DDX10: variants seen among roughly 807,000 people sequenced by gnomAD.
DDX10 encodes the protein DEAD-box helicase 10, also known as probable ATP-dependent RNA helicase DDX10.
DDX10 carries 74 observed loss-of-function variants against 104.3 expected under a neutral mutation model. The observed-to-expected ratio is 0.71, with a 90% CI of 0.59 to 0.86. The LOEUF is 0.86. Among genes scored for constraint, DDX10 ranks in the 40% least tolerant of loss-of-function variants. DDX10 has a pLI of 0.00. For missense variants in DDX10, 952 were observed against 1,040.0 expected, an observed-to-expected ratio of 0.92 and a Z score of 1.16; for synonymous variants, 351 against 353.4, an observed-to-expected ratio of 0.99 and a Z score of 0.08.
chr11:108,679,337 A>G (rs778401619), intron 5 of DDX10, 34 bp from the exon 6 acceptor site: 7 of 1,542,278 alleles, frequency 4.5e-6, no homozygotes, highest in African/African-American at 1.4e-5. Context: ...TATATTTTAC[A>G]TATGATAGTT....
At chr11:108,749,917 A>T (rs2094336365) in intron 13 of DDX10, among the ~76,000 whole-genome samples, 1 of 152,160 alleles carries the variant, frequency 6.6e-6, no homozygotes, top group Non-Finnish European at 1.5e-5. Flanking sequence ...ATGATGAGCA[A>T]TACTATAAGT....
chr11:108,673,611 G>A, intron 2 of DDX10, 84 bp downstream of exon 2: 8 of 1,056,112 alleles, frequency 7.6e-6, no homozygotes, highest in Non-Finnish European at 1.1e-5. Flanking sequence ...GGTTTAGCCT[G>A]AAAAATCTTA....
chr11:108,723,900 C>G (rs757663020), intron 13 of DDX10, among the ~76,000 whole-genome samples: 6 of 152,074 alleles, frequency 3.9e-5, no homozygotes, highest in Non-Finnish European at 5.9e-5. Flanking sequence ...GGGAACCAAG[C>G]CAGTGTCTTA....
intron 13 of DDX10, among the ~76,000 whole-genome samples, chr11:108,784,207 A>C (rs1861754229): frequency 6.6e-6 from 1 of 152,172 alleles, no homozygotes. Flanking sequence ...GTTCTGTTTT[A>C]AGTTCTTTGA....
chr11:108,764,140 T>G (rs1383359895), intron 13 of DDX10, among the ~76,000 whole-genome samples: 1 of 152,222 alleles, frequency 6.6e-6, no homozygotes, highest in Non-Finnish European at 1.5e-5. Flanking sequence ...AAAATGAAGT[T>G]TGCCTCCTTC....
intron 13 of DDX10, among the ~76,000 whole-genome samples, chr11:108,756,223 C>T (rs1216767746): frequency 2.6e-5 from 4 of 151,974 alleles, no homozygotes; most frequent in Admixed American, 6.6e-5. Flanking sequence ...ATTTTTCATA[C>T]GTTGATTTAG....
At chr11:108,803,256 G>GC (rs1158985356) in intron 13 of DDX10, among the ~76,000 whole-genome samples, 1 of 112,288 alleles carries the variant, frequency 8.9e-6, no homozygotes, top group African/African-American at 2.9e-5. Context: ...TTACCTAGTA[G>GC]CAATTTTTTT....
At chr11:108,692,081 A>T in intron 8 of DDX10, 43 bp downstream of exon 8, 18 of 1,535,668 alleles carry the variant, frequency 1.2e-5, no homozygotes, top group Non-Finnish European at 1.5e-5. Flanking sequence ...ATTGTGTGAA[A>T]TGTAATTTGC....
chr11:108,795,349 C>T (rs1189854239), intron 13 of DDX10, among the ~76,000 whole-genome samples: 1 of 149,204 alleles, frequency 6.7e-6, no homozygotes, highest in African/African-American at 2.5e-5. Context: ...GGTACATGTG[C>T]ACAACATGCA....
intron 16 of DDX10, among the ~76,000 whole-genome samples, chr11:108,895,635 T>C (rs1222031157): frequency 6.6e-6 from 1 of 152,020 alleles, no homozygotes; most frequent in Non-Finnish European, 1.5e-5. Flanking sequence ...CTTAATAATA[T>C]TGTTGTAGCA....
chr11:108,747,227 G>T (rs1158284596), intron 13 of DDX10, among the ~76,000 whole-genome samples: 1 of 152,102 alleles, frequency 6.6e-6, no homozygotes, highest in Non-Finnish European at 1.5e-5. Flanking sequence ...GTTTAGTGTG[G>T]TTATATATAC....
At chr11:108,712,342 T>C (rs147101134) in intron 10 of DDX10, among the ~76,000 whole-genome samples, 8 of 152,254 alleles carry the variant, frequency 5.3e-5, no homozygotes, top group Non-Finnish European at 1.2e-4. Context: ...TATTCGTTAC[T>C]GTTTTTTGTT....
rs375654127 is a variant in DDX10 at position 108,797,116 on chromosome 11, C to G, written c.1966-41330C>G. On this transcript the variant is annotated intron_variant, in intron 13 of 17. Coordinates refer to ENST00000322536, the MANE Select transcript of DDX10 (RefSeq NM_004398.4). Reference sequence around the variant, plus strand: ...TGGCACGATCTTGGCTCACTGCAGCCTCTGCCTCCTGGGTTGAAGCAATTC... The same window carrying G: ...TGGCACGATCTTGGCTCACTGCAGCGTCTGCCTCCTGGGTTGAAGCAATTC... 3.0e-4 allele frequency among the ~76,000 whole-genome samples: 45 copies of G among 152,236 alleles called. 1 individual carries two copies. The highest frequency in any genetic ancestry group is 9.9e-4 in the African/African-American group (41 of 41,538).
intron 13 of DDX10, among the ~76,000 whole-genome samples, chr11:108,804,334 C>A (rs1446030328): frequency 4.0e-5 from 6 of 151,584 alleles, no homozygotes; most frequent in Non-Finnish European, 8.8e-5. Context: ...CCCATCTGTA[C>A]AAAACAATAA....
rs2094217236 is a variant in DDX10, at chr11:108,671,684, TAA to T, written c.187-1780_187-1779del. On this transcript the variant is annotated intron_variant, in intron 1 of 17. Transcript: ENST00000322536. ...TGTGCTCGAATAAAACTTTACTTAC[TAA>T]AATAGGCAGCAAATTGGATTTGGCC... is the stretch of plus-strand genomic sequence containing the variant. 4.6e-5 allele frequency among the ~76,000 whole-genome samples: 7 copies of T among 152,338 alleles called. No individual in the cohort carries two copies. The South Asian group carries it at 1.5e-3, about 32-fold the overall frequency.
chr11:108,891,260 C>T (rs1863372594), intron 16 of DDX10, among the ~76,000 whole-genome samples: 1 of 152,154 alleles, frequency 6.6e-6, no homozygotes, highest in Admixed American at 6.6e-5. Context: ...GTTTTTCCTT[C>T]ATTCTCATCA....
intron 13 of DDX10, among the ~76,000 whole-genome samples, chr11:108,794,727 A>G (rs1861915851): frequency 6.6e-6 from 1 of 152,056 alleles, no homozygotes; most frequent in Non-Finnish European, 1.5e-5. Flanking sequence ...CCTCTTGACC[A>G]TGAGTCTTTT....
At chr11:108,835,507 T>TG (rs1022911929) in intron 13 of DDX10, among the ~76,000 whole-genome samples, 5 of 152,220 alleles carry the variant, frequency 3.3e-5, no homozygotes, top group African/African-American at 1.2e-4. Flanking sequence ...TCCAGGTTCT[T>TG]GGCATTTTGA....
chr11:108,879,296 G>A (rs958805552), intron 16 of DDX10, among the ~76,000 whole-genome samples: 50 of 152,012 alleles, frequency 3.3e-4, no homozygotes, highest in African/African-American at 1.2e-3. Flanking sequence ...CATCACATCC[G>A]GCCGAAATTT....
Sources: allele counts gnomAD v4.1 joint callset (sites outside exome capture counted in the v4.1 genomes callset), GRCh38; gene constraint gnomAD v4.1.1; transcripts MANE v1.5; gene names NCBI Gene and HGNC (gene_info 2026-07-23, HGNC 2026-07-21).